The following TFF2 variants were observed in gnomAD, a reference collection of about 807,000 sequenced individuals.
TFF2 encodes the protein trefoil factor 2, also known as spasmolysin.
TFF2 carries 19 observed loss-of-function variants against 16.0 expected under a neutral mutation model. The observed-to-expected ratio is 1.19, with a 90% confidence interval of 0.83 to 1.74. The LOEUF is 1.74. Ranked by LOEUF, TFF2 falls within the 40% of genes most tolerant of loss-of-function variation. The pLI is 0.00. For synonymous variants in TFF2, 61 were observed against 65.4 expected (o/e 0.93, Z 0.32); for missense variants, 168 against 166.8 (o/e 1.01, Z -0.04).
intron 2 of TFF2, 29 bp downstream of exon 2, chr21:42,349,852 T>A: frequency 6.4e-7 from 1 of 1,563,862 alleles, no homozygotes; most frequent in Non-Finnish European, 8.7e-7. Context: ...TGCCAGCTGC[T>A]GGCCCAGGAA....
intron 2 of TFF2, among the ~76,000 whole-genome samples, chr21:42,347,955 G>A (rs1184840347): frequency 1.3e-5 from 2 of 152,178 alleles, no homozygotes; most frequent in Non-Finnish European, 2.9e-5. Context: ...TTTGCCTCTC[G>A]GGACTCAGTG....
At chr21:42,350,784 C>T in intron 1 of TFF2, 95 bp downstream of exon 1, 2 of 1,319,594 alleles carry the variant, frequency 1.5e-6, no homozygotes, top group Non-Finnish European at 2.1e-6. Flanking sequence ...GCCTTTATAG[C>T]CATTCCCCCT....
At chr21:42,350,827 T>C in intron 1 of TFF2, 52 bp downstream of exon 1, 1 of 1,542,194 alleles carries the variant, frequency 6.5e-7, no homozygotes. Context: ...CTTTTTTTTT[T>C]TCTTTAAGAG....
At chr21:42,346,779 G>T (rs996960699) in intron 3 of TFF2, among the ~76,000 whole-genome samples, 3 of 151,878 alleles carry the variant, frequency 2.0e-5, no homozygotes, top group Non-Finnish European at 4.4e-5. Context: ...GGACCTTTAG[G>T]TCACATAAAA....
intron 1 of TFF2, 89 bp from the exon 2 acceptor site, chr21:42,350,119 C>T: frequency 6.9e-7 from 1 of 1,456,022 alleles, no homozygotes; most frequent in South Asian, 1.4e-5. Context: ...CCTCTACTGT[C>T]TTGTTGCCAC....
intron 2 of TFF2, among the ~76,000 whole-genome samples, chr21:42,348,877 GACTA>G (rs1169597184): frequency 2.6e-5 from 4 of 151,394 alleles, no homozygotes; most frequent in Non-Finnish European, 2.9e-5. Flanking sequence ...GCTAGCCCCA[GACTA>G]ACCAACCTGG....
At chr21:42,346,650 T>C in intron 3 of TFF2, 104 bp from the exon 4 acceptor site, 1 of 1,296,966 alleles carries the variant, frequency 7.7e-7, no homozygotes, top group Non-Finnish European at 1.1e-6. Context: ...AGGAGCTTCC[T>C]ACTGAAGAAG....
At position 42,346,421 on chromosome 21, in the gene TFF2, G is replaced by T; in HGVS notation, c.*112C>A. ...GTTAAACCATTGAAAATGAGGAAAAGATGGTTAAGAAAACCCAGGATTTCA... is the reference window on the plus strand; with the variant it reads ...GTTAAACCATTGAAAATGAGGAAAATATGGTTAAGAAAACCCAGGATTTCA... On this transcript the variant is annotated 3_prime_UTR_variant, in exon 4 of 4. Coordinates refer to ENST00000291526, the MANE Select transcript of TFF2 (RefSeq NM_005423.5). 2 of 1,331,998 alleles carry T rather than the reference G, an allele frequency of 1.5e-6. No individual in the cohort carries two copies. The highest frequency in any genetic ancestry group is 1.1e-6 in the Non-Finnish European group (1 of 934,308). The allele number at this position is 1,331,998 out of a possible 1,614,324, so 82.5% of individuals were successfully genotyped here.
At chr21:42,350,345 G>T in intron 1 of TFF2, 1 of 268,792 alleles carries the variant, frequency 3.7e-6, no homozygotes, top group Non-Finnish European at 6.3e-6. Context: ...TGGGCAACAT[G>T]TCGAAACCCC....
rs1453040118 is a variant in TFF2, at chr21:42,346,557, A to C, written c.377-11T>G. 2 of 1,595,944 alleles carry C rather than the reference A, an allele frequency of 1.3e-6. No individual in the cohort carries two copies. Among genetic ancestry groups the C allele is most frequent in the Admixed American group, 3.6e-5 (2 of 55,058 alleles). ...CTTAGTAATGGCAGTCTAGAAGTTT[A>C]AATGCAAGATGGTTGGTAAGGGAAC... is the stretch of plus-strand genomic sequence containing the variant. On this transcript the variant is annotated splice_polypyrimidine_tract_variant and intron_variant, in intron 3 of 3. Coordinates refer to ENST00000291526, the MANE Select transcript of TFF2 (RefSeq NM_005423.5).
intron 3 of TFF2, 59 bp downstream of exon 3, chr21:42,347,427 G>A (rs1297526251): frequency 1.2e-6 from 2 of 1,607,944 alleles, no homozygotes; most frequent in South Asian, 2.2e-5. Flanking sequence ...CCACCTCTAC[G>A]GACGGAGGAG....
rs748103235 is a variant in TFF2, at chr21:42,350,006, C to T, written c.104G>A (p.Ser35Asn). Residue 35 changes from serine to asparagine, a missense_variant, in exon 2 of 4, where the codon AGC becomes AAC. Physicochemically the swap from Ser to Asn is conservative, Grantham distance 46 (BLOSUM62 1). Coordinates refer to ENST00000291526, the MANE Select transcript of TFF2 (RefSeq NM_005423.5). ...KPSPCQCSRL[S>N]PHNRTNCGFP... is the part of the protein sequence containing the mutation. ...GCCGCAGTTCGTCCTGTTATGGGGG[C>T]TCAGCCTGGAGCACTGGCAGGGGGC... 2.5e-6 allele frequency: 4 copies of T among 1,599,950 alleles called. No homozygotes were observed. Among genetic ancestry groups the T allele is most frequent in the Non-Finnish European group, 3.4e-6 (4 of 1,173,152 alleles).
chr21:42,348,320 T>A (rs1384323248), intron 2 of TFF2, among the ~76,000 whole-genome samples: 2 of 152,206 alleles, frequency 1.3e-5, no homozygotes, highest in Admixed American at 1.3e-4. Flanking sequence ...TTCACTTCCT[T>A]CCCTAACATT....
chr21:42,350,246 G>T, intron 1 of TFF2: 2 of 938,104 alleles, frequency 2.1e-6, no homozygotes, highest in Non-Finnish European at 2.8e-6. Flanking sequence ...AAAAAAAAAA[G>T]CCAGGCATGG....
In TFF2 at chr21:42,349,155, C is replaced by T. The variant is rs568189115; in HGVS notation, c.229+726G>A. On this transcript the variant is annotated intron_variant, in intron 2 of 3. Transcript: ENST00000291526. ...GGCTAGCCCTAGACTAACCAGCCTA[C>T]GCTAGCCCTAGACTAACCAACCTGG... Among the ~76,000 whole-genome samples the T allele has an allele frequency of 1.1e-4, 16 of 149,428 alleles. No individual in the cohort carries two copies. In the East Asian group the frequency reaches 1.6e-3, roughly 15 times the overall value.
rs545112648 is a variant in TFF2, at chr21:42,347,238, G to A, written c.376+248C>T. ...CAACACCTGGGGAGGCAACAGGGAT[G>A]AGCCGCTGTTTCTAGAGCCATCACA... On this transcript the variant is annotated intron_variant, in intron 3 of 3. Transcript: ENST00000291526. Among the ~76,000 whole-genome samples the A allele has an allele frequency of 2.6e-5, 4 of 152,380 alleles. No individual in the cohort carries two copies. In the East Asian group the frequency reaches 7.7e-4, roughly 29 times the overall value.
At position 42,350,152 on chromosome 21, in the gene TFF2, C is replaced by G. The variant is rs550811798; in HGVS notation, c.80-122G>C. ...CACATAGAGAAACACAAAGTCTTAT[C>G]TTGCCCATATTTAAGCAATGCGGTT... On this transcript the variant is annotated intron_variant, in intron 1 of 3. Coordinates refer to ENST00000291526, the MANE Select transcript of TFF2 (RefSeq NM_005423.5). The G allele has an allele frequency of 1.8e-4, 247 of 1,390,356 alleles. 3 individuals carry two copies. In the Middle Eastern group the frequency reaches 5.1e-3, roughly 29 times the overall value. The allele number at this position is 1,390,356 out of a possible 1,614,324, so 86.1% of individuals were successfully genotyped here.
At chr21:42,350,251 GC>G in intron 1 of TFF2, 1 of 1,084,526 alleles carries the variant, frequency 9.2e-7, no homozygotes, top group African/African-American at 1.6e-5. Flanking sequence ...AAAAAGCCAG[GC>G]ATGGTGGCTC....
At chr21:42,349,442 TAG>T (rs2052096548) in intron 2 of TFF2, among the ~76,000 whole-genome samples, 1 of 143,372 alleles carries the variant, frequency 7.0e-6, no homozygotes, top group East Asian at 2.2e-4. Flanking sequence ...CAACCTGGGC[TAG>T]CTCCAGACTA....
Sources: gnomAD v4.1 joint callset for allele counts (sites outside exome capture counted in the v4.1 genomes callset) on GRCh38, gnomAD v4.1.1 for gene constraint, MANE v1.5 for transcripts, NCBI Gene and HGNC (gene_info 2026-07-23, HGNC 2026-07-21) for gene names.